Variants in NAALADL2 observed in about 807,000 individuals in gnomAD.
NAALADL2 encodes inactive N-acetylated-alpha-linked acidic dipeptidase-like protein 2.
NAALADL2 carries 76 observed loss-of-function variants against 87.2 expected under a neutral mutation model. The observed-to-expected ratio is 0.87, with a 90% confidence interval of 0.72 to 1.05. NAALADL2 has a LOEUF of 1.05. NAALADL2 is among the 50% of genes least tolerant of loss of function. The probability of loss-of-function intolerance (pLI) is 0.00; values close to 1 mark genes in which losing one functional copy is unlikely to be tolerated. For missense variants in NAALADL2, 1,089 were observed against 945.8 expected (o/e 1.15, Z -1.99); for synonymous variants, 354 against 331.0 (o/e 1.07, Z -0.75).
chr3:175,441,608 G>C (rs1379336060), intron 5 of NAALADL2, among the ~76,000 whole-genome samples: 1 of 151,926 alleles, frequency 6.6e-6, no homozygotes, highest in African/African-American at 2.4e-5. Flanking sequence ...CTGCTTGTCT[G>C]AGGACTACAC....
intron 1 of NAALADL2, among the ~76,000 whole-genome samples, chr3:175,007,829 A>G (rs1560468375): frequency 6.6e-6 from 1 of 152,206 alleles, no homozygotes; most frequent in Non-Finnish European, 1.5e-5. Context: ...ATAAAATAGA[A>G]TAATTATGAC....
chr3:175,220,064 C>T (rs556427684), intron 2 of NAALADL2, among the ~76,000 whole-genome samples: 1 of 151,574 alleles, frequency 6.6e-6, no homozygotes, highest in South Asian at 2.1e-4. Context: ...ATCATCCTTG[C>T]ATTACTAAAA....
chr3:174,550,307 T>C (rs540870095), intron 1 of NAALADL2, among the ~76,000 whole-genome samples: 136 of 152,110 alleles, frequency 8.9e-4, no homozygotes, highest in Non-Finnish European at 1.6e-3. Flanking sequence ...GTTTTATGAA[T>C]AAAAAATATG....
At chr3:175,219,649 T>C (rs1048498040) in intron 2 of NAALADL2, among the ~76,000 whole-genome samples, 1 of 152,100 alleles carries the variant, frequency 6.6e-6, no homozygotes, top group African/African-American at 2.4e-5. Flanking sequence ...TTTAGTTCTA[T>C]GATTCATCTG....
intron 5 of NAALADL2, among the ~76,000 whole-genome samples, chr3:175,345,982 T>C (rs192223316): frequency 1.1e-4 from 16 of 152,298 alleles, no homozygotes; most frequent in African/African-American, 2.4e-4. Context: ...ATTTATTTAA[T>C]TGGCAAATTT....
At chr3:175,635,254 AATT>A (rs1728353075) in intron 11 of NAALADL2, among the ~76,000 whole-genome samples, 1 of 152,064 alleles carries the variant, frequency 6.6e-6, no homozygotes, top group Non-Finnish European at 1.5e-5. Context: ...CTCAAAAGTG[AATT>A]ATTACACAAT....
chr3:175,338,034 G>A (rs1035456359), intron 5 of NAALADL2, among the ~76,000 whole-genome samples: 1 of 152,244 alleles, frequency 6.6e-6, no homozygotes, highest in African/African-American at 2.4e-5. Context: ...AACTTTCACA[G>A]CTTTTACACT....
At chr3:175,293,745 A>T (rs1339430216) in intron 4 of NAALADL2, among the ~76,000 whole-genome samples, 2 of 152,220 alleles carry the variant, frequency 1.3e-5, no homozygotes, top group African/African-American at 2.4e-5. Context: ...AACCCTCATC[A>T]GACACAAATT....
chr3:175,096,493 GGCGTGTGT>G (rs1481647375), intron 1 of NAALADL2, among the ~76,000 whole-genome samples: 1 of 117,844 alleles, frequency 8.5e-6, no homozygotes, highest in Non-Finnish European at 1.8e-5. Flanking sequence ...AGATTAATGG[GGCGTGTGT>G]GTGTGTGTGT....
intron 1 of NAALADL2, among the ~76,000 whole-genome samples, chr3:174,507,266 T>C (rs1719256166): frequency 6.6e-6 from 1 of 152,198 alleles, no homozygotes; most frequent in South Asian, 2.1e-4. Flanking sequence ...AATGCTTCAC[T>C]TACAAAAGAT....
At chr3:175,491,306 A>AT (rs1003761708) in intron 9 of NAALADL2, among the ~76,000 whole-genome samples, 10 of 151,178 alleles carry the variant, frequency 6.6e-5, no homozygotes, top group Non-Finnish European at 1.3e-4. Flanking sequence ...ATTGACTTGA[A>AT]TTTTTTTGTT....
chr3:174,992,316 A>T (rs1746849163), intron 1 of NAALADL2, among the ~76,000 whole-genome samples: 1 of 152,096 alleles, frequency 6.6e-6, no homozygotes, highest in Non-Finnish European at 1.5e-5. Context: ...TTGTGATAAG[A>T]TCATTGTTGA....
At chr3:174,762,106 T>G (rs1713057043) in intron 3 of NAALADL2, among the ~76,000 whole-genome samples, 1 of 151,718 alleles carries the variant, frequency 6.6e-6, no homozygotes, top group African/African-American at 2.4e-5. Context: ...TTTTTTCTAT[T>G]TTTTGATGAA....
chr3:175,461,327 T>C (rs1723102754), intron 6 of NAALADL2, among the ~76,000 whole-genome samples: 1 of 152,040 alleles, frequency 6.6e-6, no homozygotes, highest in Non-Finnish European at 1.5e-5. Context: ...ATTGGCACAT[T>C]TACAATCCTT....
chr3:174,705,770 G>A lies in NAALADL2; in HGVS notation c.-114-31871G>A, dbSNP rs185358895. Among the ~76,000 whole-genome samples, 609 of 130,496 alleles carry A rather than the reference G, an allele frequency of 4.7e-3. 8 individuals carry two copies. The highest frequency in any genetic ancestry group is 0.016 in the African/African-American group (561 of 34,702). 85.6% of individuals were successfully genotyped at this position (130,496 alleles called of 152,430 possible). A position where few individuals can be genotyped will look rare whatever the true frequency, so the allele number is the denominator to read the frequency against. On this transcript the variant is annotated intron_variant, in intron 2 of 3. Transcript: ENST00000434257. Reference sequence around the variant, plus strand: ...TGCACTCCAGCCTGGGCGACAGAGCGAGACTCCGTCTCAAAAAAAAAAAAA... The same window carrying A: ...TGCACTCCAGCCTGGGCGACAGAGCAAGACTCCGTCTCAAAAAAAAAAAAA...
chr3:174,664,754 T>C (rs1725815287), intron 2 of NAALADL2, among the ~76,000 whole-genome samples: 2 of 152,236 alleles, frequency 1.3e-5, no homozygotes, highest in African/African-American at 2.4e-5. Context: ...CTCCTGTGCT[T>C]GCTACTTTGT....
chr3:175,134,917 CAT>C (rs1374377795), intron 2 of NAALADL2, among the ~76,000 whole-genome samples: 2 of 152,130 alleles, frequency 1.3e-5, no homozygotes, highest in Non-Finnish European at 2.9e-5. Context: ...ATTATACAAA[CAT>C]ATTATAGTTC....
intron 1 of NAALADL2, among the ~76,000 whole-genome samples, chr3:175,021,239 G>C (rs892207537): frequency 1.1e-4 from 16 of 152,112 alleles, no homozygotes; most frequent in African/African-American, 3.4e-4. Flanking sequence ...TTGTCCATTT[G>C]TTCCTTCATA....
chr3:175,395,831 T>C (rs1245597337), intron 5 of NAALADL2, among the ~76,000 whole-genome samples: 1 of 152,192 alleles, frequency 6.6e-6, no homozygotes, highest in African/African-American at 2.4e-5. Flanking sequence ...AAGTTTGCTG[T>C]ATTATTTTAT....
Sources: allele counts gnomAD v4.1 joint callset (sites outside exome capture counted in the v4.1 genomes callset), GRCh38; gene constraint gnomAD v4.1.1; transcripts MANE v1.5; gene names NCBI Gene and HGNC (gene_info 2026-07-23, HGNC 2026-07-21).